Variants in ITPR2 observed in about 807,000 individuals in gnomAD.
ITPR2 encodes inositol 1,4,5-trisphosphate receptor type 2.
ITPR2 carries 207 observed loss-of-function variants against 317.1 expected under a neutral mutation model. That is an observed-to-expected ratio of 0.65 (90% CI 0.58 to 0.73). The LOEUF is 0.73. Ranked by LOEUF, ITPR2 falls within the 30% of genes least tolerant of loss-of-function variation. The probability of loss-of-function intolerance (pLI) is 0.00; values close to 1 mark genes in which losing one functional copy is unlikely to be tolerated. For missense variants in ITPR2, 2,613 were observed against 3,284.0 expected (o/e 0.80, Z 4.99); for synonymous variants, 1,156 against 1,149.1 (o/e 1.01, Z -0.12).
intron 21 of ITPR2, among the ~76,000 whole-genome samples, chr12:26,644,424 T>G (rs989437745): frequency 6.6e-6 from 1 of 152,180 alleles, no homozygotes; most frequent in African/African-American, 2.4e-5. Context: ...ACACTGAATC[T>G]GCTGGCACCA....
chr12:26,567,978 T>TTATATATATATATATATTATATA (rs1945030992), intron 34 of ITPR2, among the ~76,000 whole-genome samples: 7 of 27,174 alleles, frequency 2.6e-4, no homozygotes, highest in Non-Finnish European at 5.4e-4. Flanking sequence ...ATTATATATA[T>TTATATATATATATATATTATATA]TATATATATA....
intron 35 of ITPR2, 44 bp from the exon 36 acceptor site, chr12:26,556,419 A>G: frequency 6.3e-7 from 1 of 1,576,076 alleles, no homozygotes; most frequent in Admixed American, 1.9e-5. Context: ...GGCGTAAGTC[A>G]GATTTCATCT....
intron 43 of ITPR2, among the ~76,000 whole-genome samples, chr12:26,480,161 G>A (rs1942513351): frequency 6.6e-6 from 1 of 152,072 alleles, no homozygotes; most frequent in Non-Finnish European, 1.5e-5. Context: ...ATTTTTTCCT[G>A]TTTAACCCTA....
intron 45 of ITPR2, among the ~76,000 whole-genome samples, chr12:26,460,746 T>C (rs533028726): frequency 1.2e-4 from 18 of 152,320 alleles, no homozygotes; most frequent in African/African-American, 3.4e-4. Context: ...CGGAATTTGA[T>C]GCACTACAAC....
intron 37 of ITPR2, among the ~76,000 whole-genome samples, chr12:26,504,494 G>GA (rs34469882): frequency 0.15 from 22,753 of 151,698 alleles, 2,319 homozygotes; most frequent in Non-Finnish European, 0.23. Context: ...CAATAAACAT[G>GA]AAAAAAAATG....
intron 37 of ITPR2, 84 bp downstream of exon 37, chr12:26,550,163 G>GT: frequency 1.7e-6 from 1 of 593,654 alleles, no homozygotes; most frequent in Non-Finnish European, 2.9e-6. Flanking sequence ...AAGTAATCAC[G>GT]TAATAGCCTA....
chr12:26,483,541 T>C (rs1333624944), intron 42 of ITPR2, among the ~76,000 whole-genome samples, 157 bp downstream of exon 42: 2 of 152,234 alleles, frequency 1.3e-5, no homozygotes, highest in Non-Finnish European at 2.9e-5. Context: ...AAATACAGCA[T>C]AGTATTTCCT....
At chr12:26,719,962 C>G (rs1305678334) in intron 5 of ITPR2, among the ~76,000 whole-genome samples, 1 of 151,960 alleles carries the variant, frequency 6.6e-6, no homozygotes, top group African/African-American at 2.4e-5. Context: ...ATTAACTATT[C>G]AACCATGGGA....
At chr12:26,514,526 G>A (rs186225848) in intron 37 of ITPR2, among the ~76,000 whole-genome samples, 1 of 152,272 alleles carries the variant, frequency 6.6e-6, no homozygotes, top group East Asian at 1.9e-4. Flanking sequence ...GCCTTGGCAC[G>A]TGCTATTTCC....
chr12:26,693,586 C>T (rs1255203771), intron 10 of ITPR2, among the ~76,000 whole-genome samples: 3 of 152,166 alleles, frequency 2.0e-5, no homozygotes, highest in African/African-American at 7.2e-5. Flanking sequence ...CTAATACAAT[C>T]TAAGTGCCAG....
intron 34 of ITPR2, 57 bp from the exon 35 acceptor site, chr12:26,562,009 A>G (rs1944834191): frequency 8.3e-7 from 1 of 1,200,700 alleles, no homozygotes; most frequent in African/African-American, 1.6e-5. Flanking sequence ...TTTCTTACAT[A>G]TTATCCATAC....
intron 13 of ITPR2, among the ~76,000 whole-genome samples, chr12:26,680,618 T>C (rs1490992074): frequency 3.3e-5 from 5 of 152,212 alleles, no homozygotes; most frequent in Non-Finnish European, 5.9e-5. Context: ...TGTTACCTGA[T>C]TTATCAGAGA....
chr12:26,384,199 C>A (rs1939600341), intron 55 of ITPR2, among the ~76,000 whole-genome samples: 1 of 152,220 alleles, frequency 6.6e-6, no homozygotes, highest in Non-Finnish European at 1.5e-5. Context: ...CCACGTGCTA[C>A]AAAATCTTCT....
chr12:26,549,302 C>T (rs569741631), intron 37 of ITPR2, among the ~76,000 whole-genome samples: 4 of 152,282 alleles, frequency 2.6e-5, no homozygotes, highest in African/African-American at 9.6e-5. Context: ...ATTTTGATTA[C>T]TGAAACAAAC....
At chr12:26,399,323 T>C (rs895337967) in intron 53 of ITPR2, among the ~76,000 whole-genome samples, 3 of 152,254 alleles carry the variant, frequency 2.0e-5, no homozygotes, top group African/African-American at 7.2e-5. Context: ...TTCTGCTAAA[T>C]GCATTTTGGC....
intron 37 of ITPR2, among the ~76,000 whole-genome samples, chr12:26,530,833 C>T (rs552287584): frequency 1.3e-5 from 2 of 152,124 alleles, no homozygotes; most frequent in Non-Finnish European, 2.9e-5. Context: ...TTTGAGTTGT[C>T]TTAATGCAAC....
Position 26,605,123 on chromosome 12 carries a change from A to AT in ITPR2, c.3463-2418_3463-2417insA, listed in dbSNP as rs1333948623. Among the ~76,000 whole-genome samples the AT allele has an allele frequency of 4.7e-3, 428 of 90,398 alleles. 2 individuals are homozygous for AT. Among genetic ancestry groups the AT allele is most frequent in the Middle Eastern group, 0.022 (3 of 138 alleles). The allele number at this position is 90,398 out of a possible 152,430, so 59.3% of individuals were successfully genotyped here. Reference sequence around the variant, plus strand: ...AAAATAAAAATAAAAAATAAAAAATAAAAATATATATATATATATGAGAAA... The same window carrying AT: ...AAAATAAAAATAAAAAATAAAAAATATAAAATATATATATATATATGAGAAA... On this transcript the variant is annotated intron_variant, in intron 26 of 56. Coordinates refer to ENST00000381340, the MANE Select transcript of ITPR2 (RefSeq NM_002223.4).
chr12:26,487,365 A>C, intron 39 of ITPR2, 114 bp from the exon 40 acceptor site: 1 of 657,380 alleles, frequency 1.5e-6, no homozygotes, highest in South Asian at 2.4e-5. Context: ...TGCACCACCC[A>C]TTACTATTTC....
rs553923942 is a variant in ITPR2, at chr12:26,478,412, G to A, written c.6124-1405C>T. On this transcript the variant is annotated intron_variant, in intron 43 of 56. Transcript: ENST00000381340. ...AGAGTAAGGTTCTAGGATTAGTGGA[G>A]AGCTTAAATCCTAGGAGTAATCTGA... 1.4e-3 allele frequency among the ~76,000 whole-genome samples: 217 copies of A among 152,128 alleles called. 4 individuals carry two copies. The South Asian group carries it at 0.039, about 28-fold the overall frequency.
Sources: gnomAD v4.1 joint callset for allele counts (sites outside exome capture counted in the v4.1 genomes callset) on GRCh38, gnomAD v4.1.1 for gene constraint, MANE v1.5 for transcripts, NCBI Gene and HGNC (gene_info 2026-07-23, HGNC 2026-07-21) for gene names.